Variants in DENND1B observed in about 807,000 individuals in gnomAD.
DENND1B encodes the protein DENN domain containing 1B.
Under a neutral mutation model 90.1 loss-of-function variants are expected in DENND1B, and 59 were observed. The ratio of observed to expected loss-of-function variants is 0.65; its 90% CI spans 0.53 to 0.81. The LOEUF (loss-of-function observed/expected upper bound fraction) is 0.81. Among genes scored for constraint, DENND1B ranks in the 40% least tolerant of loss-of-function variants. The pLI is 0.00. For missense variants in DENND1B, 862 were observed against 912.6 expected, an observed-to-expected ratio of 0.94 and a Z score of 0.71; for synonymous variants, 337 against 324.6, an observed-to-expected ratio of 1.04 and a Z score of -0.41.
At chr1:197,572,658 T>C (rs1379246781) in intron 15 of DENND1B, among the ~76,000 whole-genome samples, 1 of 152,124 alleles carries the variant, frequency 6.6e-6, no homozygotes, top group Admixed American at 6.5e-5. Flanking sequence ...CACCTCCCAG[T>C]AGGGGCTAAC....
intron 20 of DENND1B, among the ~76,000 whole-genome samples, chr1:197,529,268 GTATATGTA>G (rs71131772): frequency 9.6e-3 from 134 of 13,918 alleles, no homozygotes; most frequent in Non-Finnish European, 0.018. Context: ...GTGTGTGTGT[GTATATGTA>G]TATATGTATA....
At chr1:197,681,213 T>C (rs1232619379) in intron 3 of DENND1B, among the ~76,000 whole-genome samples, 1 of 152,154 alleles carries the variant, frequency 6.6e-6, no homozygotes, top group Non-Finnish European at 1.5e-5. Context: ...TAGGTATGGA[T>C]ATAGATACAG....
chr1:197,586,714 G>A (rs1368408810), intron 14 of DENND1B, among the ~76,000 whole-genome samples: 4 of 152,102 alleles, frequency 2.6e-5, no homozygotes, highest in African/African-American at 7.2e-5. Flanking sequence ...ATTGATTTTC[G>A]CAGATCACTC....
intron 3 of DENND1B, among the ~76,000 whole-genome samples, chr1:197,682,449 C>T (rs895426714): frequency 1.3e-5 from 2 of 152,132 alleles, no homozygotes; most frequent in Non-Finnish European, 2.9e-5. Flanking sequence ...TATTTACAAA[C>T]TCAATGTGAA....
chr1:197,622,971 C>T (rs1177037279), intron 10 of DENND1B, among the ~76,000 whole-genome samples: 3 of 151,244 alleles, frequency 2.0e-5, no homozygotes, highest in Admixed American at 6.6e-5. Context: ...ATAATCACCA[C>T]TATGAAAAAT....
chr1:197,578,821 T>C (rs1050330281), intron 15 of DENND1B, among the ~76,000 whole-genome samples: 8 of 151,950 alleles, frequency 5.3e-5, no homozygotes, highest in Non-Finnish European at 8.8e-5. Flanking sequence ...ACATGTACCC[T>C]AAAACTTAAA....
upstream of DENND1B, among the ~76,000 whole-genome samples, chr1:197,779,784 A>G (rs1450702089): frequency 6.6e-6 from 1 of 151,654 alleles, no homozygotes; most frequent in Non-Finnish European, 1.5e-5. Context: ...TATTTAATAT[A>G]TATACTTTAA....
chr1:197,677,042 G>A (rs1044839482), intron 3 of DENND1B, among the ~76,000 whole-genome samples: 1 of 152,044 alleles, frequency 6.6e-6, no homozygotes, highest in African/African-American at 2.4e-5. Flanking sequence ...CTTGATCAAA[G>A]TTCTTAGAAT....
At chr1:197,724,872 G>C (rs1306790683) in intron 2 of DENND1B, among the ~76,000 whole-genome samples, 1 of 151,884 alleles carries the variant, frequency 6.6e-6, no homozygotes, top group African/African-American at 2.4e-5. Flanking sequence ...ACTGAAGACA[G>C]AAATAGTGAA....
chr1:197,567,558 T>C (rs907012436), intron 15 of DENND1B, among the ~76,000 whole-genome samples: 3 of 152,108 alleles, frequency 2.0e-5, no homozygotes, highest in South Asian at 2.1e-4. Context: ...TTACATCCAA[T>C]GTCCCTTAAA....
Position 197,674,070 on chromosome 1 carries a change from G to A in DENND1B, c.176+50C>T, listed in dbSNP as rs1572274833. On this transcript the variant is annotated intron_variant, in intron 4 of 22. Transcript: ENST00000620048. ...AAAAAGCACATGTAATCATTTTCAA[G>A]TATGTACTATAAGAATCTACATTTA... 2.4e-6 allele frequency: 3 copies of A among 1,245,730 alleles called. No homozygotes were observed. In the East Asian group the frequency reaches 7.4e-5, roughly 31 times the overall value. 77.2% of individuals were successfully genotyped at this position (1,245,730 alleles called of 1,614,324 possible).
At chr1:197,556,680 C>T (rs1256450914) in intron 15 of DENND1B, among the ~76,000 whole-genome samples, 1 of 151,858 alleles carries the variant, frequency 6.6e-6, no homozygotes, top group Non-Finnish European at 1.5e-5. Context: ...GATCTTGGGC[C>T]ACTTGTCACC....
Position 197,570,118 on chromosome 1 carries a change from C to A in DENND1B, c.1149+13034G>T, listed in dbSNP as rs114816579. On this transcript the variant is annotated intron_variant, in intron 15 of 22. Transcript: ENST00000620048. ...ATTTGTCAAAAAAATAATGGCCAGGCACACTGGTTCATGCCTGTAACCCCA... is the reference window on the plus strand; with the variant it reads ...ATTTGTCAAAAAAATAATGGCCAGGAACACTGGTTCATGCCTGTAACCCCA... 5.9e-3 allele frequency among the ~76,000 whole-genome samples: 895 copies of A among 151,410 alleles called. 13 individuals carry two copies. The highest frequency in any genetic ancestry group is 0.02 in the African/African-American group (838 of 41,220).
intron 14 of DENND1B, among the ~76,000 whole-genome samples, 176 bp downstream of exon 14, chr1:197,595,032 A>G (rs1675559426): frequency 6.6e-6 from 1 of 152,184 alleles, no homozygotes; most frequent in African/African-American, 2.4e-5. Context: ...AACTAAAAAT[A>G]AAAAGTCAAA....
intron 10 of DENND1B, among the ~76,000 whole-genome samples, chr1:197,641,609 A>G (rs552992123): frequency 6.6e-6 from 1 of 152,262 alleles, no homozygotes; most frequent in East Asian, 1.9e-4. Flanking sequence ...ATTTTCGTGA[A>G]TTATAAATTC....
chr1:197,571,049 G>A (rs949996073), intron 15 of DENND1B, among the ~76,000 whole-genome samples: 3 of 136,820 alleles, frequency 2.2e-5, no homozygotes, highest in African/African-American at 5.5e-5. Flanking sequence ...TAACCCATAA[G>A]TAAGAGTTGA....
At chr1:197,658,489 T>A in intron 5 of DENND1B, 120 bp from the exon 6 acceptor site, 1 of 617,534 alleles carries the variant, frequency 1.6e-6, no homozygotes. Context: ...AAAAGAACTA[T>A]ACCCATTTTC....
intron 6 of DENND1B, among the ~76,000 whole-genome samples, chr1:197,653,420 A>G (rs1033605467): frequency 6.6e-6 from 1 of 152,120 alleles, no homozygotes; most frequent in Non-Finnish European, 1.5e-5. Context: ...TTCTGTTTAT[A>G]CAAAGTTCTT....
In DENND1B at chr1:197,506,368, T is replaced by C. The variant is rs554174638; in HGVS notation, c.*4092A>G. The C allele has an allele frequency of 2.6e-5, 4 of 151,682 alleles. No individual in the cohort carries two copies. The highest frequency in any genetic ancestry group is 6.6e-5 in the Admixed American group (1 of 15,200). The allele number at this position is 151,682 out of a possible 1,614,324, so 9.4% of individuals were successfully genotyped here. A position where few individuals can be genotyped will look rare whatever the true frequency, so the allele number is the denominator to read the frequency against. ...GGGTTTGACCCAGGAACATTAGTAC[T>C]GACATAGGGTTTGTAAAAACTATTT... is the stretch of plus-strand genomic sequence containing the variant. On this transcript the variant is annotated 3_prime_UTR_variant, in exon 23 of 23. Transcript: ENST00000620048.
Sources: gnomAD v4.1 joint callset for allele counts (sites outside exome capture counted in the v4.1 genomes callset) on GRCh38, gnomAD v4.1.1 for gene constraint, MANE v1.5 for transcripts, NCBI Gene and HGNC (gene_info 2026-07-23, HGNC 2026-07-21) for gene names.